Variants in AIRE observed in about 807,000 individuals in gnomAD.
The protein encoded by AIRE is autoimmune polyendocrinopathy candidiasis ectodermal dystrophy protein.
In AIRE, 52 loss-of-function variants were observed where a neutral mutation model predicts 62.1. The ratio of observed to expected loss-of-function variants is 0.84; its 90% CI spans 0.67 to 1.06. The LOEUF (loss-of-function observed/expected upper bound fraction) is 1.06, where lower values mean the gene tolerates loss of function less well. Ranked by LOEUF, AIRE falls within the 50% of genes least tolerant of loss-of-function variation. AIRE has a pLI of 0.00. For synonymous variants in AIRE, 342 were observed against 321.6 expected (o/e 1.06, Z -0.68); for missense variants, 774 against 755.8 (o/e 1.02, Z -0.28).
At position 44,285,966 on chromosome 21, in the gene AIRE, C is replaced by T; in HGVS notation, c.-41C>T. 6.6e-7 allele frequency: 1 copy of T among 1,516,660 alleles called. No individual in the cohort carries two copies. The allele number at this position is 1,516,660 out of a possible 1,614,324, so 94.0% of individuals were successfully genotyped here. A position where few individuals can be genotyped will look rare whatever the true frequency, so the allele number is the denominator to read the frequency against. ...CGAGGGGCTGCCAGTGTCCCGGGAC[C>T]CACCGCGTCCGCCCCAGCCCCGGGT... On this transcript the variant is annotated 5_prime_UTR_variant, in exon 1 of 14. Transcript: ENST00000291582.
intron 12 of AIRE, 138 bp from the exon 13 acceptor site, chr21:44,296,245 A>C (rs2040605468): frequency 2.3e-6 from 2 of 851,268 alleles, no homozygotes; most frequent in South Asian, 1.3e-5. Flanking sequence ...CTGTGCCCCC[A>C]CCCCCAGTGG....
Position 44,287,184 on chromosome 21 carries a change from T to C in AIRE, c.463+51T>C. 2 of 1,602,034 alleles carry C rather than the reference T, an allele frequency of 1.2e-6. No individual in the cohort carries two copies. Among genetic ancestry groups the C allele is most frequent in the East Asian group, 4.5e-5 (2 of 44,754 alleles). On this transcript the variant is annotated intron_variant, in intron 3 of 13. Transcript: ENST00000291582. The surrounding 1 kb of genome is among the most constrained non-coding windows in gnomAD (Gnocchi z 4.3). ...CCAGGGTCTCCAGTCTTCCCGGGCT[T>C]CCCCGGGAGCCCACGCCCCCTCCCC...
Position 44,287,213 on chromosome 21 carries a change from C to T in AIRE, c.463+80C>T, listed in dbSNP as rs552736654. ...CGGGAGCCCACGCCCCCTCCCCACC[C>T]GGGCTCCCACCCACTGGGTGTGGGG... On this transcript the variant is annotated intron_variant, in intron 3 of 13. Transcript: ENST00000291582. This position sits in a 1 kb window ranked among gnomAD's most constrained non-coding sequence, Gnocchi z 4.3. 1.5e-5 allele frequency: 24 copies of T among 1,553,164 alleles called. No individual in the cohort carries two copies. Among genetic ancestry groups the T allele is most frequent in the African/African-American group, 6.8e-5 (5 of 73,308 alleles).
At position 44,287,462 on chromosome 21, in the gene AIRE, G is replaced by T; in HGVS notation, c.464-55G>T. ...CTCCCACCGCGGGCCCCTGCCCACC[G>T]GCACTCACCCCCACTGAGAGGGGAG... On this transcript the variant is annotated intron_variant, in intron 3 of 13. Transcript: ENST00000291582. This position sits in a 1 kb window ranked among gnomAD's most constrained non-coding sequence, Gnocchi z 4.3. 1 of 1,319,198 alleles carries T rather than the reference G, an allele frequency of 7.6e-7. No individual in the cohort carries two copies. Among genetic ancestry groups the T allele is most frequent in the Non-Finnish European group, 1.1e-6 (1 of 938,662 alleles). 81.7% of individuals were successfully genotyped at this position (1,319,198 alleles called of 1,614,324 possible).
intron 12 of AIRE, among the ~76,000 whole-genome samples, chr21:44,296,036 C>CG (rs933661638): frequency 7.2e-5 from 11 of 152,196 alleles, no homozygotes; most frequent in Admixed American, 7.2e-4. Flanking sequence ...TTGTCGGGGG[C>CG]GGGGGTGGCA....
rs1255076977 is a variant in AIRE at position 44,286,619 on chromosome 21, G to A, written c.195G>A (p.Trp65Ter). 2.5e-6 allele frequency: 4 copies of A among 1,612,960 alleles called. No homozygotes were observed. The South Asian group carries it at 4.4e-5, about 18-fold the overall frequency. The change falls in exon 2 of 14, where the codon TGG becomes TGA. Residue 65 changes from tryptophan to a stop codon, truncating the protein, a stop_gained. Coordinates refer to ENST00000291582, the MANE Select transcript of AIRE (RefSeq NM_000383.4). LOFTEE classifies it high-confidence loss of function. The surrounding 1 kb of genome is among the most constrained non-coding windows in gnomAD (Gnocchi z 6.0). ...CPQAFHALLS[W>*]LLTQDSTAIL... ...AGGCCTTCCACGCCCTCCTGTCCTG[G>A]CTGCTGACCCAGGACTCCACAGCCA...
rs752687905 is a variant in AIRE, at chr21:44,287,573, C to G, written c.520C>G (p.Arg174Gly). 33 of 1,557,780 alleles carry G rather than the reference C, an allele frequency of 2.1e-5. No individual in the cohort carries two copies. The highest frequency in any genetic ancestry group is 2.5e-5 in the Non-Finnish European group (29 of 1,150,814). Residue 174 changes from arginine to glycine, a missense_variant, in exon 4 of 14, where the codon CGC becomes GGC. Transcript: ENST00000291582. This position sits in a 1 kb window ranked among gnomAD's most constrained non-coding sequence, Gnocchi z 4.3. ...KKPESSAEQQRLPLGNGIQTM... is the reference protein window; with the variant it reads ...KKPESSAEQQGLPLGNGIQTM... ...GCCGGAGAGCAGCGCAGAGCAGCAG[C>G]GCCTTCCACTCGGGAACGGTGAGCG...
In AIRE at chr21:44,296,401, G is replaced by A. The variant is rs966636123; in HGVS notation, c.1522G>A (p.Glu508Lys). 3.7e-6 allele frequency: 6 copies of A among 1,612,426 alleles called. No individual in the cohort carries two copies. The highest frequency in any genetic ancestry group is 2.2e-5 in the East Asian group (1 of 44,890). The change falls in exon 13 of 14, where the codon GAG becomes AAG. Residue 508 changes from glutamate (E) to lysine (K), a missense_variant. Coordinates refer to ENST00000291582, the MANE Select transcript of AIRE (RefSeq NM_000383.4). The stretch of plus-strand genomic sequence containing the variant: ...GTTCCAGGATGACACTGCCAGTCAC[G>A]AGCCCGCTCTGCACAGGGATGACCT... ...GPAKDDTASH[E>K]PALHRDDLES...
At chr21:44,296,235 C>T (rs1367180152) in intron 12 of AIRE, 148 bp from the exon 13 acceptor site, 1 of 809,266 alleles carries the variant, frequency 1.2e-6, no homozygotes, top group Non-Finnish European at 2.1e-6. Flanking sequence ...CCACGCAGCC[C>T]TGTGCCCCCA....
At position 44,288,446 on chromosome 21, in the gene AIRE, G is replaced by A. The variant is rs369232026; in HGVS notation, c.640G>A (p.Val214Met). Reference sequence around the variant, plus strand: ...CGTGGAGGGGATCCTCATCCAGCAGGTGTTTGAGTCAGGTAGACGCTGTGG... The same window carrying A: ...CGTGGAGGGGATCCTCATCCAGCAGATGTTTGAGTCAGGTAGACGCTGTGG... ...GAVEGILIQQ[V>M]FESGGSKKCI... The change falls in exon 5 of 14, where the codon GTG (valine) becomes ATG (methionine). Residue 214 changes from valine (V) to methionine (M), a missense_variant. Around this residue, in one of 3 missense-constraint regions of AIRE, gnomAD observed 385 missense variants for 396.0 expected, o/e 0.97. Transcript: ENST00000291582. 2 of 1,606,334 alleles carry A rather than the reference G, an allele frequency of 1.2e-6. No homozygotes were observed. Among genetic ancestry groups the A allele is most frequent in the Non-Finnish European group, 1.7e-6 (2 of 1,173,682 alleles).
At chr21:44,294,030 A>AC (rs2040577410) in intron 11 of AIRE, 120 bp downstream of exon 11, 21 of 1,169,590 alleles carry the variant, frequency 1.8e-5, no homozygotes, top group Non-Finnish European at 2.3e-5. Flanking sequence ...CCACACTCCC[A>AC]CCCACACCTT....
chr21:44,289,552 G>C (rs1243198687), intron 5 of AIRE, 105 bp from the exon 6 acceptor site: 1 of 1,503,570 alleles, frequency 6.7e-7, no homozygotes, highest in Non-Finnish European at 9.1e-7. Flanking sequence ...TGCAGGCTGT[G>C]GGAACTCCAC....
chr21:44,290,645 GA>G lies in AIRE; in HGVS notation c.880-449del, dbSNP rs879176928. ...CCAGCCTAGCCTGGCTGTCTGGGGG[GA>G]TTCTGGAGGAAGTGGTACCTGGGAG... is the stretch of plus-strand genomic sequence containing the variant. On this transcript the variant is annotated intron_variant, in intron 7 of 13. Coordinates refer to ENST00000291582, the MANE Select transcript of AIRE (RefSeq NM_000383.4). The G allele has an allele frequency of 2.2e-5, 24 of 1,105,466 alleles. No homozygotes were observed. In the South Asian group the frequency reaches 3.4e-4, roughly 16 times the overall value. 68.5% of individuals were successfully genotyped at this position (1,105,466 alleles called of 1,614,324 possible).
intron 12 of AIRE, among the ~76,000 whole-genome samples, chr21:44,296,031 G>A (rs753200767): frequency 1.3e-5 from 2 of 152,158 alleles, no homozygotes; most frequent in Non-Finnish European, 2.9e-5. Context: ...GGTGCTTGTC[G>A]GGGGCGGGGG....
chr21:44,293,980 A>T, intron 11 of AIRE, 70 bp downstream of exon 11: 1 of 1,241,672 alleles, frequency 8.1e-7, no homozygotes, highest in Non-Finnish European at 1.0e-6. Context: ...CACACTCCCC[A>T]CCCACATCAT....
Position 44,286,239 on chromosome 21 carries a change from C to T in AIRE, c.132+101C>T, listed in dbSNP as rs2040480781. The T allele has an allele frequency of 3.0e-5, 40 of 1,313,328 alleles. No individual in the cohort carries two copies. The South Asian group carries it at 4.9e-4, about 16-fold the overall frequency. The allele number at this position is 1,313,328 out of a possible 1,614,324, so 81.4% of individuals were successfully genotyped here. On this transcript the variant is annotated intron_variant, in intron 1 of 13. Transcript: ENST00000291582. The surrounding 1 kb of genome is among the most constrained non-coding windows in gnomAD (Gnocchi z 6.0). ...ACCCCGCCCCTCCAGATCCCCAAGC[C>T]CCTCCAGCCTTCCCCAACTCCCTCC...
chr21:44,290,724 G>T (rs1601967272), intron 7 of AIRE: 1 of 1,385,974 alleles, frequency 7.2e-7, no homozygotes, highest in East Asian at 4.2e-5. Flanking sequence ...GACGGTGGGG[G>T]CTGCAGGTGG....
intron 9 of AIRE, 113 bp from the exon 10 acceptor site, chr21:44,292,880 G>GCCCTCCGCCCCCACCAAGCCAC: frequency 1.1e-6 from 1 of 925,732 alleles, no homozygotes; most frequent in Non-Finnish European, 1.7e-6. Context: ...CACCATGCCA[G>GCCCTCCGCCCCCACCAAGCCAC]GCCTCTGCCC....
Position 44,285,928 on chromosome 21 carries a change from A to G in AIRE, c.-79A>G, listed in dbSNP as rs2040476518. ...GCGGAGGCCCCACAGCCCCGCCGGG[A>G]CCCGAGGCCAAGCGAGGGGCTGCCA... is the stretch of plus-strand genomic sequence containing the variant. On this transcript the variant is annotated 5_prime_UTR_variant, in exon 1 of 14. Coordinates refer to ENST00000291582, the MANE Select transcript of AIRE (RefSeq NM_000383.4). 1.4e-6 allele frequency: 2 copies of G among 1,409,140 alleles called. No homozygotes were observed. Among genetic ancestry groups the G allele is most frequent in the African/African-American group, 1.5e-5 (1 of 65,932 alleles). The allele number at this position is 1,409,140 out of a possible 1,614,324, so 87.3% of individuals were successfully genotyped here.
Sources: allele counts gnomAD v4.1 joint callset (sites outside exome capture counted in the v4.1 genomes callset), GRCh38; gene constraint gnomAD v4.1.1; regional missense constraint gnomAD v4.1.1; non-coding constraint Gnocchi (gnomAD v3.1); transcripts MANE v1.5; gene names NCBI Gene and HGNC (gene_info 2026-07-23, HGNC 2026-07-21).